ASIC2: variants seen among roughly 807,000 people sequenced by gnomAD.
ASIC2 encodes acid-sensing ion channel 2.
A neutral mutation model predicts 57.3 loss-of-function variants in ASIC2; 25 were observed. The ratio of observed to expected loss-of-function variants is 0.44; its 90% CI spans 0.32 to 0.61. The LOEUF (loss-of-function observed/expected upper bound fraction) is 0.61. Among genes scored for constraint, ASIC2 ranks in the 20% least tolerant of loss-of-function variants. The pLI is 0.06. For synonymous variants in ASIC2, 319 were observed against 307.5 expected (o/e 1.04, Z -0.39); for missense variants, 641 against 738.1 (o/e 0.87, Z 1.52).
intron 1 of ASIC2, among the ~76,000 whole-genome samples, chr17:33,136,791 A>G (rs1228840035): frequency 6.6e-6 from 1 of 152,232 alleles, no homozygotes; most frequent in Non-Finnish European, 1.5e-5. Context: ...TTGTTGGGAT[A>G]GATGGAGAAA....
intron 1 of ASIC2, among the ~76,000 whole-genome samples, chr17:33,772,283 G>A (rs531022184): frequency 6.6e-6 from 1 of 152,226 alleles, no homozygotes; most frequent in Non-Finnish European, 1.5e-5. Flanking sequence ...AAGGCTGGAA[G>A]AATCTAGACA....
At chr17:33,934,557 G>A (rs1597937179) in intron 1 of ASIC2, among the ~76,000 whole-genome samples, 1 of 152,250 alleles carries the variant, frequency 6.6e-6, no homozygotes, top group African/African-American at 2.4e-5. Flanking sequence ...CGTGGGCACC[G>A]AGGAGGACCT....
At position 33,436,854 on chromosome 17, in the gene ASIC2, T is replaced by TTC. The variant is rs1491252873; in HGVS notation, c.556-324788_556-324787insGA. ...ATGCCTTAAAACACATTCCAACTTC[T>TTC]TTTTTTTTTTTTTTTTTTTTTTTTT... is the stretch of plus-strand genomic sequence containing the variant. On this transcript the variant is annotated intron_variant, in intron 1 of 9. Transcript: ENST00000359872. Among the ~76,000 whole-genome samples, 152 of 20,452 alleles carry TTC rather than the reference T, an allele frequency of 7.4e-3. 11 individuals are homozygous for TTC. The highest frequency in any genetic ancestry group is 0.015 in the South Asian group (5 of 342). 13.4% of individuals were successfully genotyped at this position (20,452 alleles called of 152,430 possible).
chr17:33,370,489 G>A (rs1173666711), intron 1 of ASIC2, among the ~76,000 whole-genome samples: 1 of 152,196 alleles, frequency 6.6e-6, no homozygotes, highest in African/African-American at 2.4e-5. Context: ...TCTCCTGCAA[G>A]CAAAGGCTGG....
intron 7 of ASIC2, among the ~76,000 whole-genome samples, chr17:33,018,272 T>C (rs1168669166): frequency 2.0e-5 from 3 of 152,146 alleles, no homozygotes; most frequent in African/African-American, 7.2e-5. Context: ...TTTTCTGGAT[T>C]TGTCTTCAGA....
At chr17:34,071,260 C>G (rs1310708003) in intron 1 of ASIC2, 1 of 152,108 alleles carries the variant, frequency 6.6e-6, no homozygotes, top group East Asian at 1.9e-4. Context: ...ATTCCCTGAT[C>G]TGTCCCTTGG....
chr17:33,565,286 T>G (rs532864947), intron 1 of ASIC2, among the ~76,000 whole-genome samples: 2 of 152,326 alleles, frequency 1.3e-5, no homozygotes, highest in Admixed American at 6.5e-5. Context: ...TTGCCTTCTT[T>G]GGGTTTTCAG....
At chr17:33,233,084 T>C (rs1363575315) in intron 1 of ASIC2, among the ~76,000 whole-genome samples, 1 of 152,104 alleles carries the variant, frequency 6.6e-6, no homozygotes, top group East Asian at 1.9e-4. Flanking sequence ...GGAGACCACG[T>C]GGAAACTGAC....
At chr17:33,102,687 T>C (rs937011287) in intron 2 of ASIC2, among the ~76,000 whole-genome samples, 2 of 152,240 alleles carry the variant, frequency 1.3e-5, no homozygotes, top group Admixed American at 1.3e-4. Context: ...TTTGTCTTTT[T>C]GTTTAACCTT....
At chr17:33,618,641 C>A (rs910941911) in intron 1 of ASIC2, among the ~76,000 whole-genome samples, 2 of 152,174 alleles carry the variant, frequency 1.3e-5, no homozygotes, top group African/African-American at 2.4e-5. Flanking sequence ...ACATTCTGAG[C>A]CTTGGTTCCC....
At chr17:33,854,823 G>C (rs1470531580) in intron 1 of ASIC2, among the ~76,000 whole-genome samples, 1 of 152,060 alleles carries the variant, frequency 6.6e-6, no homozygotes, top group Non-Finnish European at 1.5e-5. Context: ...TTTCCTTGTG[G>C]GATTGTCCTT....
At chr17:34,141,401 A>G (rs1912269378) in intron 1 of ASIC2, among the ~76,000 whole-genome samples, 1 of 152,232 alleles carries the variant, frequency 6.6e-6, no homozygotes, top group South Asian at 2.1e-4. Flanking sequence ...TTTTAAAAAA[A>G]GAATAAAATT....
chr17:33,651,287 G>T (rs1906911533), intron 1 of ASIC2, among the ~76,000 whole-genome samples: 1 of 152,124 alleles, frequency 6.6e-6, no homozygotes, highest in Non-Finnish European at 1.5e-5. Flanking sequence ...GAGAGAAGCT[G>T]GGTGAGTGAT....
chr17:33,800,089 C>T (rs1217662975), intron 1 of ASIC2, among the ~76,000 whole-genome samples: 3 of 152,166 alleles, frequency 2.0e-5, no homozygotes, highest in Non-Finnish European at 2.9e-5. Flanking sequence ...CCTCCATGCT[C>T]TATTACCTGC....
chr17:33,047,459 C>T (rs913655162), intron 3 of ASIC2, among the ~76,000 whole-genome samples: 4 of 152,120 alleles, frequency 2.6e-5, no homozygotes, highest in Admixed American at 6.5e-5. Context: ...CCACCTCAGC[C>T]TCTGAGGTAG....
rs1237995183 is a variant in ASIC2 at position 33,894,338 on chromosome 17, CGTGCGTGCGTGCGTGTGTGTGTGT to C, written c.555+261616_555+261639del. Among the ~76,000 whole-genome samples, 220 of 93,984 alleles carry C rather than the reference CGTGCGTGCGTGCGTGTGTGTGTGT, an allele frequency of 2.3e-3. 1 individual carries two copies. The highest frequency in any genetic ancestry group is 0.01 in the African/African-American group (218 of 21,270). The allele number at this position is 93,984 out of a possible 152,430, so 61.7% of individuals were successfully genotyped here. On this transcript the variant is annotated intron_variant, in intron 1 of 9. Transcript: ENST00000359872. ...GAATGAGAGAAGCTCTGCGTGCGTGCGTGCGTGCGTGCGTGTGTGTGTGTGTGTGTGTGTGTGTGTGTGTGTTCA... is the reference window on the plus strand; with the variant it reads ...GAATGAGAGAAGCTCTGCGTGCGTGCGTGTGTGTGTGTGTGTGTGTGTTCA...
intron 1 of ASIC2, among the ~76,000 whole-genome samples, chr17:34,020,373 G>A (rs1408379016): frequency 1.3e-5 from 2 of 152,108 alleles, no homozygotes; most frequent in African/African-American, 4.8e-5. Context: ...AGCCCTTGAG[G>A]GCCACTGCCC....
intron 1 of ASIC2, among the ~76,000 whole-genome samples, chr17:33,512,011 A>G (rs1049763671): frequency 6.6e-6 from 1 of 152,196 alleles, no homozygotes; most frequent in African/African-American, 2.4e-5. Context: ...CAATAAGGGG[A>G]AAGCACATCT....
chr17:33,097,381 C>T (rs2092186478), intron 2 of ASIC2, among the ~76,000 whole-genome samples: 1 of 152,168 alleles, frequency 6.6e-6, no homozygotes, highest in South Asian at 2.1e-4. Context: ...TTACATCATG[C>T]TCATTTTTCA....
Sources: allele counts gnomAD v4.1 joint callset (sites outside exome capture counted in the v4.1 genomes callset), GRCh38; gene constraint gnomAD v4.1.1; transcripts MANE v1.5; gene names NCBI Gene and HGNC (gene_info 2026-07-23, HGNC 2026-07-21).